Variants in VAMP8 observed in about 807,000 individuals in gnomAD.
The protein encoded by VAMP8 is vesicle associated membrane protein 8.
Under a neutral mutation model 11.4 loss-of-function variants are expected in VAMP8, and 9 were observed. That is an observed-to-expected ratio of 0.79 (90% confidence interval 0.48 to 1.38). VAMP8 has a LOEUF of 1.38. Ranked by LOEUF, VAMP8 falls within the 40% of genes most tolerant of loss-of-function variation. VAMP8 has a pLI of 0.00. For missense variants in VAMP8, 108 were observed against 127.8 expected (o/e 0.85, Z 0.75); for synonymous variants, 42 against 44.7 (o/e 0.94, Z 0.24).
intron 1 of VAMP8, among the ~76,000 whole-genome samples, chr2:85,578,138 G>T (rs1310185109): frequency 2.0e-5 from 3 of 152,178 alleles, no homozygotes; most frequent in Non-Finnish European, 4.4e-5. Flanking sequence ...ATGGAGAAGA[G>T]AACTAAAGGT....
rs1302545629 is a variant in VAMP8 at position 85,577,658 on chromosome 2, A to G, written c.3+9A>G. 1 of 1,546,006 alleles carries G rather than the reference A, an allele frequency of 6.5e-7. No individual in the cohort carries two copies. The highest frequency in any genetic ancestry group is 1.2e-5 in the South Asian group (1 of 83,936). ...GGCTGCTCTGAGACATGGTGAGCCA[A>G]CTGGGAACTAGGAAAGGGCTGGTTT... On this transcript the variant is annotated intron_variant, in intron 1 of 2. Transcript: ENST00000263864.
intron 1 of VAMP8, 119 bp from the exon 2 acceptor site, chr2:85,578,890 A>G (rs1672322841): frequency 9.6e-7 from 1 of 1,040,936 alleles, no homozygotes; most frequent in Non-Finnish European, 1.4e-6. Flanking sequence ...CTTTGTAAAC[A>G]TTTCAAGCAT....
intron 2 of VAMP8, 61 bp downstream of exon 2, chr2:85,579,228 G>A (rs1672330193): frequency 6.8e-7 from 1 of 1,480,304 alleles, no homozygotes; most frequent in Non-Finnish European, 9.0e-7. Flanking sequence ...TTTCTTTTTG[G>A]TGGGGCAAAA....
At chr2:85,581,474 A>T in intron 2 of VAMP8, 102 bp from the exon 3 acceptor site, 1 of 1,195,194 alleles carries the variant, frequency 8.4e-7, no homozygotes, top group South Asian at 1.8e-5. Context: ...TCCATCTCAA[A>T]AAAAAAAAAA....
intron 2 of VAMP8, among the ~76,000 whole-genome samples, chr2:85,581,238 G>A (rs1015422217): frequency 2.0e-5 from 3 of 152,092 alleles, no homozygotes; most frequent in Non-Finnish European, 4.4e-5. Context: ...CCAGCACTTT[G>A]GGAGGCCAAG....
chr2:85,579,686 G>A, intron 2 of VAMP8: 1 of 1,535,554 alleles, frequency 6.5e-7, no homozygotes. Flanking sequence ...GCTAGATGAA[G>A]GCTAAAATAA....
Position 85,579,175 on chromosome 2 carries a change from A to T in VAMP8, c.162+8A>T. 4 of 1,581,596 alleles carry T rather than the reference A, an allele frequency of 2.5e-6. No homozygotes were observed. Among genetic ancestry groups the T allele is most frequent in the South Asian group, 2.3e-5 (2 of 87,506 alleles). On this transcript the variant is annotated splice_region_variant and intron_variant, in intron 2 of 2. Coordinates refer to ENST00000263864, the MANE Select transcript of VAMP8 (RefSeq NM_003761.5). ...GAGGATCTGGAAGCCACAGTGAGAC[A>T]GGGAGCCCACTGGGGGCTGGAGGAA...
rs752816196 is a variant in VAMP8 at position 85,581,571 on chromosome 2, A to T, written c.163-5A>T. 1.2e-6 allele frequency: 2 copies of T among 1,613,962 alleles called. No individual in the cohort carries two copies. The highest frequency in any genetic ancestry group is 1.7e-6 in the Non-Finnish European group (2 of 1,179,978). On this transcript the variant is annotated splice_polypyrimidine_tract_variant and splice_region_variant and intron_variant, in intron 2 of 2. Coordinates refer to ENST00000263864, the MANE Select transcript of VAMP8 (RefSeq NM_003761.5). ...GGGTCACTCACTCTGCCTTTTCCCC[A>T]ACAGTCTGAGCACTTCAAGACGACA...
At chr2:85,579,444 C>G (rs1407844991) in intron 2 of VAMP8, among the ~76,000 whole-genome samples, 1 of 152,222 alleles carries the variant, frequency 6.6e-6, no homozygotes, top group African/African-American at 2.4e-5. Context: ...CCCATGCATT[C>G]TCAGGCTTCT....
intron 2 of VAMP8, 151 bp from the exon 3 acceptor site, chr2:85,581,425 A>C (rs1672376440): frequency 7.4e-6 from 7 of 949,642 alleles, no homozygotes; most frequent in Non-Finnish European, 1.1e-5. Flanking sequence ...GGCAGCAGTG[A>C]GCCAAGATCG....
Position 85,581,598 on chromosome 2 carries a change from C to A in VAMP8, c.185C>A (p.Ser62Ter). The A allele has an allele frequency of 6.2e-7, 1 of 1,614,118 alleles. No homozygotes were observed. The change falls in exon 3 of 3, where the codon TCG becomes TAG. Residue 62 changes from serine to a stop codon, truncating the protein, a stop_gained. Transcript: ENST00000263864. LOFTEE classifies it high-confidence loss of function. ...CAGTCTGAGCACTTCAAGACGACAT[C>A]GCAGAAGGTGGCTCGAAAATTCTGG... is the stretch of plus-strand genomic sequence containing the variant. Reference protein sequence around the residue: ...EATSEHFKTTSQKVARKFWWK... With the variant: ...EATSEHFKTT
At position 85,577,686 on chromosome 2, in the gene VAMP8, AGAG is replaced by A. The variant is rs1007338360; in HGVS notation, c.3+41_3+43del. ...GGGAACTAGGAAAGGGCTGGTTTAAAGAGGAGCCAGAGGGGGCTTGGGACTGGG... is the reference window on the plus strand; with the variant it reads ...GGGAACTAGGAAAGGGCTGGTTTAAAGAGCCAGAGGGGGCTTGGGACTGGG... On this transcript the variant is annotated intron_variant, in intron 1 of 2. Transcript: ENST00000263864. The A allele has an allele frequency of 3.3e-6, 5 of 1,536,420 alleles. No individual in the cohort carries two copies. In the African/African-American group the frequency reaches 7.0e-5, roughly 21 times the overall value.
In VAMP8 at chr2:85,579,168, G is replaced by A. The variant is rs1266678616; in HGVS notation, c.162+1G>A. 1.3e-6 allele frequency: 2 copies of A among 1,587,178 alleles called. No homozygotes were observed. Among genetic ancestry groups the A allele is most frequent in the East Asian group, 2.3e-5 (1 of 44,152 alleles). On this transcript the variant is annotated splice_donor_variant, in intron 2 of 2. Transcript: ENST00000263864. LOFTEE classifies it high-confidence loss of function. Reference sequence around the variant, plus strand: ...CAAGACAGAGGATCTGGAAGCCACAGTGAGACAGGGAGCCCACTGGGGGCT... The same window carrying A: ...CAAGACAGAGGATCTGGAAGCCACAATGAGACAGGGAGCCCACTGGGGGCT...
At chr2:85,579,983 C>T in intron 2 of VAMP8, 1 of 1,421,648 alleles carries the variant, frequency 7.0e-7, no homozygotes, top group Non-Finnish European at 9.3e-7. Flanking sequence ...TTAGACAGAG[C>T]CTCACTCTGT....
chr2:85,578,643 G>T (rs1002218706), intron 1 of VAMP8, among the ~76,000 whole-genome samples: 1 of 152,170 alleles, frequency 6.6e-6, no homozygotes, highest in Admixed American at 6.5e-5. Flanking sequence ...GTAAATAGTG[G>T]CGGGCTCTGC....
At chr2:85,579,544 A>G (rs1199191253) in intron 2 of VAMP8, among the ~76,000 whole-genome samples, 1 of 152,208 alleles carries the variant, frequency 6.6e-6, no homozygotes, top group East Asian at 1.9e-4. Context: ...GCTCTGAGGA[A>G]ACCCCCGCTG....
rs1024220190 is a variant in VAMP8 at position 85,581,888 on chromosome 2, C to G, written c.*172C>G. ...GTATGCCCCAGAAGGTACCTTGGTC[C>G]CCCGGAAGGAGAGAAAAAAGAGAGA... is the stretch of plus-strand genomic sequence containing the variant. On this transcript the variant is annotated 3_prime_UTR_variant, in exon 3 of 3. Transcript: ENST00000263864. 4.6e-6 allele frequency: 4 copies of G among 865,956 alleles called. No individual in the cohort carries two copies. Among genetic ancestry groups the G allele is most frequent in the Non-Finnish European group, 7.1e-6 (4 of 565,598 alleles). The allele number at this position is 865,956 out of a possible 1,614,324, so 53.6% of individuals were successfully genotyped here.
chr2:85,579,998 C>T, intron 2 of VAMP8: 1 of 1,395,270 alleles, frequency 7.2e-7, no homozygotes, highest in Non-Finnish European at 9.5e-7. Flanking sequence ...CTCTGTTGCC[C>T]AGGTTAGAGT....
At chr2:85,581,244 C>T (rs1672372855) in intron 2 of VAMP8, among the ~76,000 whole-genome samples, 1 of 152,086 alleles carries the variant, frequency 6.6e-6, no homozygotes, top group Admixed American at 6.5e-5. Context: ...CTTTGGGAGG[C>T]CAAGGCGAGT....
Sources: gnomAD v4.1 joint callset for allele counts (sites outside exome capture counted in the v4.1 genomes callset) on GRCh38, gnomAD v4.1.1 for gene constraint, MANE v1.5 for transcripts, NCBI Gene and HGNC (gene_info 2026-07-23, HGNC 2026-07-21) for gene names.